Variants in OLA1 observed in about 807,000 individuals in gnomAD.
The protein encoded by OLA1 is obg-like ATPase 1.
A neutral mutation model predicts 48.4 loss-of-function variants in OLA1; 14 were observed. The ratio of observed to expected loss-of-function variants is 0.29; its 90% CI spans 0.19 to 0.45. The LOEUF is 0.45. Ranked by LOEUF, OLA1 falls within the 20% of genes least tolerant of loss-of-function variation. OLA1 has a pLI of 1.00. For missense variants in OLA1, 325 were observed against 467.1 expected (o/e 0.70, Z 2.80); for synonymous variants, 127 against 150.4 (o/e 0.84, Z 1.14).
At chr2:174,159,804 T>G (rs1284063126) in intron 4 of OLA1, among the ~76,000 whole-genome samples, 14 of 105,788 alleles carry the variant, frequency 1.3e-4, no homozygotes, top group Non-Finnish European at 2.3e-4. Context: ...TGACTAATGT[T>G]GGAACACCAG....
At position 174,073,466 on chromosome 2, in the gene OLA1, A is replaced by C. The variant is rs1307618366; in HGVS notation, c.*1960T>G. 5 of 152,224 alleles carry C rather than the reference A, an allele frequency of 3.3e-5. No homozygotes were observed. The highest frequency in any genetic ancestry group is 3.3e-4 in the Admixed American group (5 of 15,286). The allele number at this position is 152,224 out of a possible 1,614,324, so 9.4% of individuals were successfully genotyped here. On this transcript the variant is annotated 3_prime_UTR_variant, in exon 11 of 11. Coordinates refer to ENST00000284719, the MANE Select transcript of OLA1 (RefSeq NM_013341.5). ...TATGTAACAGTTCTTGGAATTCTCG[A>C]CTTTCAGAGAAAATGAAATTTTGTA...
chr2:174,241,799 G>GT (rs1285922154), intron 2 of OLA1, among the ~76,000 whole-genome samples: 2 of 152,020 alleles, frequency 1.3e-5, no homozygotes, highest in African/African-American at 4.8e-5. Flanking sequence ...CCACACCCAG[G>GT]TAATTTTTGT....
intron 8 of OLA1, 99 bp from the exon 9 acceptor site, chr2:174,081,347 G>T (rs1295877368): frequency 3.7e-6 from 3 of 821,558 alleles, no homozygotes; most frequent in Non-Finnish European, 6.0e-6. Context: ...AAATGTTAAA[G>T]ATAGTAGTAA....
intron 5 of OLA1, among the ~76,000 whole-genome samples, chr2:174,127,845 C>T (rs1686078421): frequency 6.6e-6 from 1 of 151,980 alleles, no homozygotes; most frequent in African/African-American, 2.4e-5. Context: ...TCTATCCTGT[C>T]CAATACTGCA....
chr2:174,183,387 A>G (rs1687590316), intron 4 of OLA1, among the ~76,000 whole-genome samples: 1 of 152,232 alleles, frequency 6.6e-6, no homozygotes, highest in South Asian at 2.1e-4. Flanking sequence ...TATTTCAGGA[A>G]GTATGCACTA....
chr2:174,157,861 T>C (rs534011923), intron 4 of OLA1, among the ~76,000 whole-genome samples: 1 of 152,274 alleles, frequency 6.6e-6, no homozygotes, highest in Admixed American at 6.5e-5. Context: ...TGATGGTAGA[T>C]GCCCTGAAAC....
chr2:174,229,049 G>A (rs1688673678), intron 3 of OLA1, among the ~76,000 whole-genome samples: 1 of 152,060 alleles, frequency 6.6e-6, no homozygotes, highest in Non-Finnish European at 1.5e-5. Context: ...GCTAAATTTT[G>A]TATTTTTAGT....
chr2:174,228,871 T>C (rs1263384390), intron 3 of OLA1, among the ~76,000 whole-genome samples: 1 of 152,180 alleles, frequency 6.6e-6, no homozygotes, highest in East Asian at 1.9e-4. Context: ...CCCTTCTCCA[T>C]ACTCTGCATT....
rs887271632 is a variant in OLA1, at chr2:174,229,471, T to C, written c.102-20A>G. On this transcript the variant is annotated intron_variant, in intron 2 of 10. Coordinates refer to ENST00000284719, the MANE Select transcript of OLA1 (RefSeq NM_013341.5). ...GATTTCCTAAAACAAATAAAAGCAA[T>C]TTCAATCAATTCTTAGGTTAACACC... 1 of 1,591,318 alleles carries C rather than the reference T, an allele frequency of 6.3e-7. No individual in the cohort carries two copies. The highest frequency in any genetic ancestry group is 8.6e-7 in the Non-Finnish European group (1 of 1,166,656).
chr2:174,170,812 G>C (rs950949443), intron 4 of OLA1, among the ~76,000 whole-genome samples: 1 of 152,190 alleles, frequency 6.6e-6, no homozygotes, highest in Admixed American at 6.5e-5. Flanking sequence ...GCTGAAGTGG[G>C]AGGATTGCCT....
At chr2:174,219,333 A>G (rs1238722004) in intron 4 of OLA1, among the ~76,000 whole-genome samples, 1 of 150,800 alleles carries the variant, frequency 6.6e-6, no homozygotes, top group Non-Finnish European at 1.5e-5. Context: ...CTCATACATC[A>G]TCTAGGGAAA....
rs376506120 is a variant in OLA1 at position 174,213,153 on chromosome 2, T to G, written c.373+9880A>C. 1.6e-4 allele frequency among the ~76,000 whole-genome samples: 25 copies of G among 152,254 alleles called. 1 individual carries two copies. Among genetic ancestry groups the G allele is most frequent in the African/African-American group, 5.8e-4 (24 of 41,544 alleles). On this transcript the variant is annotated intron_variant, in intron 4 of 10. Coordinates refer to ENST00000284719, the MANE Select transcript of OLA1 (RefSeq NM_013341.5). ...AACTTAGCTGAAAATAAATTATATT[T>G]GAAATTTTGTTTTCCACAACTATAA...
chr2:174,242,415 C>T (rs1288228498), intron 2 of OLA1, among the ~76,000 whole-genome samples: 1 of 152,168 alleles, frequency 6.6e-6, no homozygotes, highest in Non-Finnish European at 1.5e-5. Context: ...AATGCTCACT[C>T]GCCTGCTGCT....
intron 3 of OLA1, among the ~76,000 whole-genome samples, chr2:174,225,125 G>A (rs920879314): frequency 3.3e-5 from 5 of 152,170 alleles, no homozygotes; most frequent in African/African-American, 1.2e-4. Flanking sequence ...ATAGTAATGA[G>A]TGAGTTCTCG....
chr2:174,109,742 GA>G (rs200556255), intron 7 of OLA1, among the ~76,000 whole-genome samples: 10 of 148,396 alleles, frequency 6.7e-5, no homozygotes, highest in African/African-American at 2.0e-4. Flanking sequence ...TAAGACTCAG[GA>G]AAAAAAAACA....
chr2:174,155,527 G>C (rs1490823684), intron 4 of OLA1, among the ~76,000 whole-genome samples: 2 of 152,188 alleles, frequency 1.3e-5, no homozygotes, highest in Non-Finnish European at 2.9e-5. Flanking sequence ...GACTGCAATA[G>C]AAGACACAAG....
At chr2:174,110,302 A>ATTTTTTTTTTT (rs575026912) in intron 7 of OLA1, among the ~76,000 whole-genome samples, 56 of 113,890 alleles carry the variant, frequency 4.9e-4, no homozygotes, top group African/African-American at 9.8e-4. Flanking sequence ...CCATGCTTGG[A>ATTTTTTTTTTT]TTTTTTTTTT....
rs1175986538 is a variant in OLA1, at chr2:174,083,404, GTA to G, written c.729-1342_729-1341del. Among the ~76,000 whole-genome samples, 56 of 151,976 alleles carry G rather than the reference GTA, an allele frequency of 3.7e-4. 1 individual carries two copies. Among genetic ancestry groups the G allele is most frequent in the Non-Finnish European group, 4.4e-4 (30 of 67,946 alleles). On this transcript the variant is annotated intron_variant, in intron 7 of 10. Transcript: ENST00000284719. ...ATGAAAAACAATCACACAAGAGTTTGTATATGTTTGTTATACAAAGGTAACTA... is the reference window on the plus strand; with the variant it reads ...ATGAAAAACAATCACACAAGAGTTTGTATGTTTGTTATACAAAGGTAACTA...
chr2:174,094,744 T>C (rs1352815388), intron 7 of OLA1, among the ~76,000 whole-genome samples: 2 of 152,226 alleles, frequency 1.3e-5, no homozygotes, highest in African/African-American at 4.8e-5. Flanking sequence ...ATTTACATTG[T>C]TGTGCAACGG....
Sources: gnomAD v4.1 joint callset for allele counts (sites outside exome capture counted in the v4.1 genomes callset) on GRCh38, gnomAD v4.1.1 for gene constraint, MANE v1.5 for transcripts, NCBI Gene and HGNC (gene_info 2026-07-23, HGNC 2026-07-21) for gene names.